The following LRMDA variants were observed in gnomAD, a reference collection of about 807,000 sequenced individuals.
The protein encoded by LRMDA is leucine-rich melanocyte differentiation-associated protein.
Under a neutral mutation model 29.8 loss-of-function variants are expected in LRMDA, and 18 were observed. That is an observed-to-expected ratio of 0.60 (90% CI 0.42 to 0.90). The LOEUF (loss-of-function observed/expected upper bound fraction) is 0.90, where lower values mean the gene tolerates loss of function less well. Among genes scored for constraint, LRMDA ranks in the 40% least tolerant of loss-of-function variants. LRMDA has a pLI of 0.00. For missense variants in LRMDA, 273 were observed against 273.9 expected (o/e 1.00, Z 0.02); for synonymous variants, 125 against 109.4 (o/e 1.14, Z -0.89).
intron 2 of LRMDA, among the ~76,000 whole-genome samples, chr10:75,809,249 G>A (rs1287068761): frequency 1.3e-5 from 2 of 152,184 alleles, no homozygotes; most frequent in East Asian, 1.9e-4. Context: ...GTGATGGAGG[G>A]TAATAACACT....
At chr10:76,060,666 A>G (rs138118645) in intron 5 of LRMDA, among the ~76,000 whole-genome samples, 2 of 152,334 alleles carry the variant, frequency 1.3e-5, no homozygotes, top group East Asian at 3.9e-4. Context: ...CCTAAGGTCT[A>G]AATGAGGAAA....
At chr10:75,867,448 A>G (rs1179079838) in intron 2 of LRMDA, among the ~76,000 whole-genome samples, 2 of 152,206 alleles carry the variant, frequency 1.3e-5, no homozygotes, top group Admixed American at 1.3e-4. Flanking sequence ...GGCATGAGCC[A>G]CCGCACCCAG....
chr10:75,797,672 G>A (rs547684470), intron 2 of LRMDA, among the ~76,000 whole-genome samples: 2 of 152,176 alleles, frequency 1.3e-5, no homozygotes, highest in South Asian at 2.1e-4. Flanking sequence ...GGCTTCTTTC[G>A]TTTAGCATAA....
intron 2 of LRMDA, among the ~76,000 whole-genome samples, chr10:75,446,356 G>A (rs56687662): frequency 0.016 from 2,482 of 152,280 alleles, 83 homozygotes; most frequent in African/African-American, 0.056. Flanking sequence ...TAAACATAGC[G>A]CTTAGAAGAT....
intron 2 of LRMDA, among the ~76,000 whole-genome samples, chr10:75,878,248 A>C (rs906490636): frequency 6.6e-6 from 1 of 150,732 alleles, no homozygotes; most frequent in African/African-American, 2.4e-5. Flanking sequence ...ATCAGATTAC[A>C]TGTGGGATTG....
At chr10:76,512,966 GT>G (rs1564563194) in intron 6 of LRMDA, among the ~76,000 whole-genome samples, 1 of 152,156 alleles carries the variant, frequency 6.6e-6, no homozygotes, top group African/African-American at 2.4e-5. Flanking sequence ...AAGGCAACAG[GT>G]GCTAAGGCCA....
At chr10:75,802,342 C>A (rs1843767476) in intron 2 of LRMDA, among the ~76,000 whole-genome samples, 1 of 138,484 alleles carries the variant, frequency 7.2e-6, no homozygotes, top group African/African-American at 2.7e-5. Flanking sequence ...CGCGCACACA[C>A]ACACACACAC....
intron 6 of LRMDA, among the ~76,000 whole-genome samples, chr10:76,425,007 G>C (rs1236778252): frequency 6.6e-6 from 1 of 152,078 alleles, no homozygotes; most frequent in African/African-American, 2.4e-5. Flanking sequence ...TTTAGAAATG[G>C]ACATTTTGTG....
At chr10:76,461,732 T>C (rs562122883) in intron 6 of LRMDA, among the ~76,000 whole-genome samples, 1 of 152,248 alleles carries the variant, frequency 6.6e-6, no homozygotes, top group African/African-American at 2.4e-5. Flanking sequence ...AGAAATTTCC[T>C]TGATACTCAA....
intron 6 of LRMDA, among the ~76,000 whole-genome samples, chr10:76,540,466 A>T (rs938303176): frequency 6.6e-6 from 1 of 152,234 alleles, no homozygotes. Flanking sequence ...TGTATCAGCC[A>T]TGTCTGTAAT....
At chr10:75,954,047 G>A (rs887863484) in intron 2 of LRMDA, among the ~76,000 whole-genome samples, 7 of 152,200 alleles carry the variant, frequency 4.6e-5, no homozygotes, top group African/African-American at 1.4e-4. Context: ...AGGGGCTCAC[G>A]AGAAGGATCG....
intron 2 of LRMDA, among the ~76,000 whole-genome samples, chr10:75,936,779 C>T (rs918531259): frequency 6.6e-6 from 1 of 152,172 alleles, no homozygotes; most frequent in Non-Finnish European, 1.5e-5. Context: ...TTCAGGGGGG[C>T]TCCACTCTTA....
At chr10:75,514,063 T>C (rs575785924) in intron 2 of LRMDA, among the ~76,000 whole-genome samples, 106 of 152,298 alleles carry the variant, frequency 7.0e-4, no homozygotes, top group African/African-American at 2.5e-3. Flanking sequence ...AGAGTGATTA[T>C]TACTGTTTTG....
At position 75,688,799 on chromosome 10, in the gene LRMDA, G is replaced by A. The variant is rs189509436; in HGVS notation, c.131+250305G>A. Among the ~76,000 whole-genome samples, 20 of 152,270 alleles carry A rather than the reference G, an allele frequency of 1.3e-4. 1 individual carries two copies. In the East Asian group the frequency reaches 3.9e-3, roughly 29 times the overall value. On this transcript the variant is annotated intron_variant, in intron 2 of 6. Transcript: ENST00000611255. ...GCCACAGCCACCCCAGCCTTCAGCA[G>A]CCAACATCCTGATCAGTCAGCAGCC...
At chr10:75,460,836 A>G (rs1023163498) in intron 2 of LRMDA, among the ~76,000 whole-genome samples, 2 of 152,148 alleles carry the variant, frequency 1.3e-5, no homozygotes, top group Admixed American at 1.3e-4. Context: ...ATTGATTGAC[A>G]TATTTATATA....
At chr10:75,906,144 C>T (rs573322440) in intron 2 of LRMDA, among the ~76,000 whole-genome samples, 15 of 151,932 alleles carry the variant, frequency 9.9e-5, no homozygotes, top group Admixed American at 2.6e-4. Context: ...AGTATCTGTC[C>T]AGCCTCCTTC....
At chr10:76,208,370 T>G (rs1851575070) in intron 5 of LRMDA, among the ~76,000 whole-genome samples, 1 of 152,214 alleles carries the variant, frequency 6.6e-6, no homozygotes, top group Non-Finnish European at 1.5e-5. Context: ...TGCTCCATTT[T>G]AAAGAAACCC....
intron 2 of LRMDA, among the ~76,000 whole-genome samples, chr10:75,560,795 GT>G (rs1840282921): frequency 6.6e-6 from 1 of 152,070 alleles, no homozygotes; most frequent in African/African-American, 2.4e-5. Flanking sequence ...AGATAATCAT[GT>G]GGTTTTTGTC....
intron 1 of LRMDA, 62 bp from the exon 2 acceptor site, chr10:75,438,332 G>A (rs750377578): frequency 7.8e-7 from 1 of 1,280,916 alleles, no homozygotes; most frequent in Admixed American, 2.0e-5. Context: ...AGTAATTTCA[G>A]GGTTGGGAGC....
Sources: allele counts gnomAD v4.1 joint callset (sites outside exome capture counted in the v4.1 genomes callset), GRCh38; gene constraint gnomAD v4.1.1; transcripts MANE v1.5; gene names NCBI Gene and HGNC (gene_info 2026-07-23, HGNC 2026-07-21).